PARD3B: variants seen among roughly 807,000 people sequenced by gnomAD.
PARD3B encodes partitioning defective 3 homolog B.
In PARD3B, 103 loss-of-function variants were observed where a neutral mutation model predicts 130.2. The observed-to-expected ratio is 0.79, with a 90% confidence interval of 0.67 to 0.93. The LOEUF is 0.93. Ranked by LOEUF, PARD3B falls within the 40% of genes least tolerant of loss-of-function variation. The pLI is 0.00. For synonymous variants in PARD3B, 583 were observed against 553.2 expected (o/e 1.05, Z -0.76); for missense variants, 1,609 against 1,499.2 (o/e 1.07, Z -1.21).
In PARD3B at chr2:205,276,475, A is replaced by G. The variant is rs1574571182; in HGVS notation, c.2186-24055A>G. Among the ~76,000 whole-genome samples the G allele has an allele frequency of 6.6e-6, 1 of 152,214 alleles. No homozygotes were observed. The highest frequency in any genetic ancestry group is 1.5e-5 in the Non-Finnish European group (1 of 68,048). ...AGCTTCACCAAGAAAATGCTTTCTG[A>G]AAGAATTTAAAAGAAGACAAAGGAG... On this transcript the variant is annotated intron_variant, in intron 16 of 22. Coordinates refer to ENST00000406610, the MANE Select transcript of PARD3B (RefSeq NM_001302769.2). This position sits in a 1 kb window ranked among gnomAD's most constrained non-coding sequence, Gnocchi z 5.0.
chr2:204,667,406 AATATTACCTCCATGC>A (rs1340554080), intron 1 of PARD3B, among the ~76,000 whole-genome samples: 10 of 152,046 alleles, frequency 6.6e-5, no homozygotes, highest in Non-Finnish European at 1.2e-4. Flanking sequence ...CTTGACTCTG[AATATTACCTCCATGC>A]ATATAACTTA....
chr2:205,296,699 T>G (rs1345272665), intron 16 of PARD3B, among the ~76,000 whole-genome samples: 1 of 141,756 alleles, frequency 7.1e-6, no homozygotes, highest in African/African-American at 2.8e-5. Context: ...GTGTGTGTGT[T>G]CATTCTTTTC....
At chr2:205,249,084 A>G (rs538859288) in intron 16 of PARD3B, among the ~76,000 whole-genome samples, 1 of 133,994 alleles carries the variant, frequency 7.5e-6, no homozygotes, top group South Asian at 2.3e-4. Context: ...ATCTCTGCTC[A>G]CTGCAACCTC....
intron 18 of PARD3B, among the ~76,000 whole-genome samples, chr2:205,362,909 C>G (rs1266826366): frequency 6.6e-6 from 1 of 152,108 alleles, no homozygotes; most frequent in East Asian, 1.9e-4. Context: ...TGCTATAATT[C>G]CCAAGGACCA....
In PARD3B at chr2:205,591,566, AACAGACTGTCTT is replaced by A. The variant is rs1490288115; in HGVS notation, c.3261-23884_3261-23873del. ...ACTATCCCAATTTGACAGAGGAAGA[AACAGACTGTCTT>A]ACAGAGGAAACATTCGTTCATTGGA... On this transcript the variant is annotated intron_variant, in intron 22 of 22. Transcript: ENST00000406610. This position sits in a 1 kb window ranked among gnomAD's most constrained non-coding sequence, Gnocchi z 4.2. Among the ~76,000 whole-genome samples, 4 of 152,224 alleles carry A rather than the reference AACAGACTGTCTT, an allele frequency of 2.6e-5. No homozygotes were observed. Among genetic ancestry groups the A allele is most frequent in the Non-Finnish European group, 5.9e-5 (4 of 68,036 alleles).
intron 18 of PARD3B, among the ~76,000 whole-genome samples, chr2:205,326,550 T>G (rs969690574): frequency 1.3e-5 from 2 of 152,144 alleles, no homozygotes; most frequent in African/African-American, 2.4e-5. Flanking sequence ...ACAGTTATCA[T>G]CTCTATGACC....
In PARD3B at chr2:205,550,059, C is replaced by T. The variant is rs894216357; in HGVS notation, c.3181-3265C>T. Reference sequence around the variant, plus strand: ...TCTTTTCTTCATACCTTGTTTCTACCTTTGCAAAATCTTCAAATTCCCTGA... The same window carrying T: ...TCTTTTCTTCATACCTTGTTTCTACTTTTGCAAAATCTTCAAATTCCCTGA... On this transcript the variant is annotated intron_variant, in intron 21 of 22. Transcript: ENST00000406610. The surrounding 1 kb of genome is among the most constrained non-coding windows in gnomAD (Gnocchi z 4.5). Among the ~76,000 whole-genome samples the T allele has an allele frequency of 9.2e-5, 14 of 152,104 alleles. No homozygotes were observed. The highest frequency in any genetic ancestry group is 3.4e-4 in the African/African-American group (14 of 41,406).
At chr2:205,469,715 A>G (rs1318543551) in intron 20 of PARD3B, among the ~76,000 whole-genome samples, 1 of 152,172 alleles carries the variant, frequency 6.6e-6, no homozygotes, top group Non-Finnish European at 1.5e-5. Flanking sequence ...CTCTCTAACC[A>G]TTTCTACTGT....
intron 1 of PARD3B, among the ~76,000 whole-genome samples, chr2:204,575,281 A>C (rs2032200326): frequency 6.6e-6 from 1 of 152,334 alleles, no homozygotes; most frequent in African/African-American, 2.4e-5. Flanking sequence ...TTGGTTTTAA[A>C]GGCATTCATT....
chr2:205,468,131 G>A lies in PARD3B; in HGVS notation c.3044+27459G>A, dbSNP rs559902636. ...AACAATGATCTAGCTTAGCTTACAA[G>A]GCTTCTTTTTCCTTTAGACATAGGA... is the stretch of plus-strand genomic sequence containing the variant. On this transcript the variant is annotated intron_variant, in intron 20 of 22. Transcript: ENST00000406610. 5.9e-5 allele frequency among the ~76,000 whole-genome samples: 9 copies of A among 152,252 alleles called. No individual in the cohort carries two copies. The South Asian group carries it at 1.9e-3, about 32-fold the overall frequency.
chr2:204,614,435 C>A (rs1198589920), intron 1 of PARD3B, among the ~76,000 whole-genome samples: 1 of 152,010 alleles, frequency 6.6e-6, no homozygotes, highest in Non-Finnish European at 1.5e-5. Context: ...ATGTGGACAG[C>A]CCAGCTATGG....
At chr2:204,813,706 G>T (rs1381268934) in intron 2 of PARD3B, among the ~76,000 whole-genome samples, 1 of 152,010 alleles carries the variant, frequency 6.6e-6, no homozygotes, top group South Asian at 2.1e-4. Context: ...TGAGACATGA[G>T]TTCAAGTTTA....
intron 10 of PARD3B, among the ~76,000 whole-genome samples, chr2:205,141,841 GA>G (rs948683661): frequency 6.6e-6 from 1 of 152,130 alleles, no homozygotes; most frequent in African/African-American, 2.4e-5. Context: ...ATAAAGTATT[GA>G]AACTAGAAGC....
chr2:205,073,376 CGAAAA>C, intron 4 of PARD3B, among the ~76,000 whole-genome samples: 1 of 151,780 alleles, frequency 6.6e-6, no homozygotes, highest in South Asian at 2.1e-4. Flanking sequence ...GAAAAGATGT[CGAAAA>C]ACTTGTCTTA....
At chr2:204,651,841 AC>A (rs1432640559) in intron 1 of PARD3B, among the ~76,000 whole-genome samples, 2 of 152,176 alleles carry the variant, frequency 1.3e-5, no homozygotes, top group Non-Finnish European at 2.9e-5. Flanking sequence ...CCCTCTGCAC[AC>A]CCACAGGCCA....
chr2:204,749,692 A>C (rs980055995), intron 2 of PARD3B, among the ~76,000 whole-genome samples: 1 of 152,192 alleles, frequency 6.6e-6, no homozygotes, highest in Non-Finnish European at 1.5e-5. Context: ...AACTCTGAGA[A>C]CGTCATGCAT....
In PARD3B at chr2:205,460,778, A is replaced by G. The variant is rs145875581; in HGVS notation, c.3044+20106A>G. On this transcript the variant is annotated intron_variant, in intron 20 of 22. Transcript: ENST00000406610. This position sits in a 1 kb window ranked among gnomAD's most constrained non-coding sequence, Gnocchi z 4.9. ...TGAAGCACAGTGACTGGTTCTTCCTATTGTGTGATCAGCAAGTTGTAGCCA... is the reference window on the plus strand; with the variant it reads ...TGAAGCACAGTGACTGGTTCTTCCTGTTGTGTGATCAGCAAGTTGTAGCCA... Among the ~76,000 whole-genome samples, 329 of 152,154 alleles carry G rather than the reference A, an allele frequency of 2.2e-3. 1 individual carries two copies. Among genetic ancestry groups the G allele is most frequent in the African/African-American group, 7.5e-3 (313 of 41,514 alleles).
At position 205,380,423 on chromosome 2, in the gene PARD3B, T is replaced by C. The variant is rs1345775549; in HGVS notation, c.2631-20590T>C. Among the ~76,000 whole-genome samples, 6 of 42,786 alleles carry C rather than the reference T, an allele frequency of 1.4e-4. 1 individual carries two copies. The highest frequency in any genetic ancestry group is 6.3e-4 in the African/African-American group (6 of 9,480). The allele number at this position is 42,786 out of a possible 152,430, so 28.1% of individuals were successfully genotyped here. A position where few individuals can be genotyped will look rare whatever the true frequency, so the allele number is the denominator to read the frequency against. On this transcript the variant is annotated intron_variant, in intron 18 of 22. Coordinates refer to ENST00000406610, the MANE Select transcript of PARD3B (RefSeq NM_001302769.2). ...TATTATATATAATATATAAAGAATA[T>C]ATATTATATATTATATAAAGAATAC...
chr2:205,103,973 T>G (rs1292828353), intron 4 of PARD3B, among the ~76,000 whole-genome samples: 1 of 152,228 alleles, frequency 6.6e-6, no homozygotes, highest in Non-Finnish European at 1.5e-5. Flanking sequence ...TGCCTGACTT[T>G]GACAGAGGTG....
Sources: allele counts gnomAD v4.1 joint callset (sites outside exome capture counted in the v4.1 genomes callset), GRCh38; gene constraint gnomAD v4.1.1; non-coding constraint Gnocchi (gnomAD v3.1); transcripts MANE v1.5; gene names NCBI Gene and HGNC (gene_info 2026-07-23, HGNC 2026-07-21).